The following SYT1 variants were observed in gnomAD, a reference collection of about 807,000 sequenced individuals.
SYT1 encodes the protein synaptotagmin 1.
SYT1 carries 8 observed loss-of-function variants against 44.8 expected under a neutral mutation model. That is an observed-to-expected ratio of 0.18 (90% CI 0.10 to 0.32). The LOEUF is 0.32. SYT1 is among the 10% of genes least tolerant of loss of function. The pLI is 1.00. For missense variants in SYT1, 286 were observed against 509.3 expected, an observed-to-expected ratio of 0.56 and a Z score of 4.22; for synonymous variants, 154 against 188.8, an observed-to-expected ratio of 0.82 and a Z score of 1.51.
intron 3 of SYT1, among the ~76,000 whole-genome samples, chr12:79,167,596 G>A (rs868652191): frequency 8.5e-5 from 13 of 152,096 alleles, no homozygotes; most frequent in South Asian, 2.1e-4. Context: ...AACTTATTAA[G>A]CCTACTATGT....
rs188506361 is a variant in SYT1, at chr12:78,967,622, T to G, written c.-216-10177T>G. 2.0e-5 allele frequency among the ~76,000 whole-genome samples: 3 copies of G among 152,248 alleles called. No homozygotes were observed. In the East Asian group the frequency reaches 5.8e-4, roughly 29 times the overall value. On this transcript the variant is annotated intron_variant, in intron 1 of 10. Transcript: ENST00000261205. ...AAAACTGTGGGAGAAGCATATGACATTTCATTTGAGGTTTGTGGGTTTAAT... is the reference window on the plus strand; with the variant it reads ...AAAACTGTGGGAGAAGCATATGACAGTTCATTTGAGGTTTGTGGGTTTAAT...
intron 4 of SYT1, among the ~76,000 whole-genome samples, chr12:79,257,715 T>C (rs1015114268): frequency 2.0e-5 from 3 of 152,152 alleles, no homozygotes; most frequent in African/African-American, 7.2e-5. Context: ...TCTCGATCTC[T>C]TGACCTGGTG....
intron 1 of SYT1, among the ~76,000 whole-genome samples, chr12:78,962,909 G>A (rs1430168020): frequency 6.6e-6 from 1 of 152,010 alleles, no homozygotes; most frequent in African/African-American, 2.4e-5. Context: ...AATATCTCTA[G>A]AATTAATTCA....
intron 9 of SYT1, among the ~76,000 whole-genome samples, chr12:79,380,210 C>T (rs1884159568): frequency 6.6e-6 from 1 of 152,152 alleles, no homozygotes; most frequent in Non-Finnish European, 1.5e-5. Flanking sequence ...CAGTTTCTGT[C>T]ATTTAGATAT....
rs74107305 is a variant in SYT1 at position 79,116,773 on chromosome 12, A to C, written c.-18+69411A>C. On this transcript the variant is annotated intron_variant, in intron 3 of 10. Coordinates refer to ENST00000261205, the MANE Select transcript of SYT1 (RefSeq NM_005639.3). ...TGCTGTATTCTGTCACTTTCTGCTA[A>C]ATTGTGAGCTCTGGGAGGTCAAGGA... 2.3e-3 allele frequency among the ~76,000 whole-genome samples: 352 copies of C among 152,312 alleles called. 3 individuals are homozygous for C. The highest frequency in any genetic ancestry group is 7.3e-3 in the African/African-American group (304 of 41,572).
At chr12:79,263,056 A>G (rs1486282197) in intron 4 of SYT1, among the ~76,000 whole-genome samples, 1 of 152,320 alleles carries the variant, frequency 6.6e-6, no homozygotes, top group Non-Finnish European at 1.5e-5. Context: ...CCCCTCTGCA[A>G]TGTCCAGAAT....
chr12:78,878,465 C>T (rs1259369474), intron 1 of SYT1, among the ~76,000 whole-genome samples: 2 of 151,694 alleles, frequency 1.3e-5, no homozygotes, highest in African/African-American at 4.8e-5. Flanking sequence ...ATATGAGTAA[C>T]GCAGCACATA....
chr12:79,393,049 G>T (rs1275827457), intron 9 of SYT1: 1 of 146,586 alleles, frequency 6.8e-6, no homozygotes, highest in Non-Finnish European at 1.5e-5. Flanking sequence ...GTGAGAACAT[G>T]CAGTGTTTGG....
At chr12:79,361,314 T>C (rs1330166707) in intron 9 of SYT1, among the ~76,000 whole-genome samples, 1 of 152,158 alleles carries the variant, frequency 6.6e-6, no homozygotes, top group Non-Finnish European at 1.5e-5. Flanking sequence ...GTACATAACT[T>C]ACCCAAGGTC....
chr12:79,076,259 C>G lies in SYT1; in HGVS notation c.-18+28897C>G, dbSNP rs138331493. Among the ~76,000 whole-genome samples, 711 of 152,048 alleles carry G rather than the reference C, an allele frequency of 4.7e-3. 5 individuals carry two copies. Among genetic ancestry groups the G allele is most frequent in the African/African-American group, 0.013 (558 of 41,466 alleles). Reference sequence around the variant, plus strand: ...GGATGTTTCTTTTCTCTGGGTATAGCGAGGCACCTCTAGAATGAGGGTTTT... The same window carrying G: ...GGATGTTTCTTTTCTCTGGGTATAGGGAGGCACCTCTAGAATGAGGGTTTT... On this transcript the variant is annotated intron_variant, in intron 3 of 10. Transcript: ENST00000261205.
At chr12:79,250,029 A>G (rs1877104496) in intron 4 of SYT1, among the ~76,000 whole-genome samples, 1 of 152,150 alleles carries the variant, frequency 6.6e-6, no homozygotes, top group African/African-American at 2.4e-5. Context: ...CTTTACTTGA[A>G]TCATCTTAAT....
intron 8 of SYT1, among the ~76,000 whole-genome samples, chr12:79,334,222 C>T (rs999111741): frequency 2.6e-5 from 4 of 151,988 alleles, no homozygotes; most frequent in African/African-American, 9.7e-5. Context: ...CTAAGAATGA[C>T]TATTTTCTCT....
chr12:79,065,600 A>T lies in SYT1; in HGVS notation c.-18+18238A>T, dbSNP rs1003871606. Among the ~76,000 whole-genome samples the T allele has an allele frequency of 2.6e-5, 4 of 152,352 alleles. 1 individual carries two copies. Among genetic ancestry groups the T allele is most frequent in the Admixed American group, 2.6e-4 (4 of 15,302 alleles). On this transcript the variant is annotated intron_variant, in intron 3 of 10. Coordinates refer to ENST00000261205, the MANE Select transcript of SYT1 (RefSeq NM_005639.3). ...CTGCAGGCAAGATGATAAAGAGGAA[A>T]ATAAAAAAATCTTGAGGAAAAAAAA...
rs540613321 is a variant in SYT1, at chr12:79,226,709, T to A, written c.166+9024T>A. Among the ~76,000 whole-genome samples, 9 of 152,276 alleles carry A rather than the reference T, an allele frequency of 5.9e-5. No homozygotes were observed. The East Asian group carries it at 1.7e-3, about 29-fold the overall frequency. On this transcript the variant is annotated intron_variant, in intron 4 of 10. Coordinates refer to ENST00000261205, the MANE Select transcript of SYT1 (RefSeq NM_005639.3). ...CATTTATTTAAAGTGGTATGTTAAA[T>A]CAATGTTAGAAAACACAGCATCATA...
At chr12:79,092,136 A>G (rs530702880) in intron 3 of SYT1, among the ~76,000 whole-genome samples, 90 of 152,024 alleles carry the variant, frequency 5.9e-4, no homozygotes, top group African/African-American at 2.1e-3. Flanking sequence ...CCTCTCAGGA[A>G]GTGACATTTT....
At chr12:79,022,343 G>A (rs1358522049) in intron 2 of SYT1, among the ~76,000 whole-genome samples, 3 of 151,756 alleles carry the variant, frequency 2.0e-5, no homozygotes, top group African/African-American at 4.8e-5. Flanking sequence ...GGTCTGCTAC[G>A]TCAGTGGCTC....
chr12:78,996,277 C>A (rs1870376852), intron 2 of SYT1, among the ~76,000 whole-genome samples: 1 of 152,132 alleles, frequency 6.6e-6, no homozygotes, highest in African/African-American at 2.4e-5. Context: ...TCAAGAGAAT[C>A]CCTTGATCAC....
chr12:79,284,632 T>C lies in SYT1; in HGVS notation c.167-1155T>C, dbSNP rs150721540. On this transcript the variant is annotated intron_variant, in intron 4 of 10. Transcript: ENST00000261205. ...GCAGGTGGATCATAAGGTCAGGAGA[T>C]CGAGACCATCCTGGCCAACATGGTG... is the stretch of plus-strand genomic sequence containing the variant. 1.8e-3 allele frequency among the ~76,000 whole-genome samples: 276 copies of C among 152,090 alleles called. 1 individual carries two copies. Among genetic ancestry groups the C allele is most frequent in the East Asian group, 0.016 (80 of 5,156 alleles).
At chr12:79,046,681 G>C (rs1874086489) in intron 2 of SYT1, among the ~76,000 whole-genome samples, 1 of 151,838 alleles carries the variant, frequency 6.6e-6, no homozygotes, top group Non-Finnish European at 1.5e-5. Flanking sequence ...ATATTTATTT[G>C]TGTGTGTATG....
Sources: allele counts gnomAD v4.1 joint callset (sites outside exome capture counted in the v4.1 genomes callset), GRCh38; gene constraint gnomAD v4.1.1; transcripts MANE v1.5; gene names NCBI Gene and HGNC (gene_info 2026-07-23, HGNC 2026-07-21).